Variants in NRG3 observed in about 807,000 individuals in gnomAD.
NRG3 encodes pro-neuregulin-3, membrane-bound isoform.
NRG3 carries 31 observed loss-of-function variants against 66.9 expected under a neutral mutation model. The observed-to-expected ratio is 0.46, with a 90% CI of 0.35 to 0.63. The LOEUF is 0.63. NRG3 is among the 20% of genes least tolerant of loss of function. The pLI, the probability that NRG3 is intolerant of heterozygous loss-of-function variation, is 0.00. For missense variants in NRG3, 910 were observed against 878.9 expected (o/e 1.04, Z -0.45); for synonymous variants, 393 against 359.4 (o/e 1.09, Z -1.06).
intron 1 of NRG3, among the ~76,000 whole-genome samples, chr10:82,185,795 T>C (rs2073766408): frequency 6.6e-6 from 1 of 152,214 alleles, no homozygotes; most frequent in Non-Finnish European, 1.5e-5. Flanking sequence ...GACTGCATTA[T>C]CACATCTTTA....
chr10:82,376,645 C>T (rs1199549127), intron 2 of NRG3, among the ~76,000 whole-genome samples: 2 of 152,190 alleles, frequency 1.3e-5, no homozygotes, highest in East Asian at 3.9e-4. Context: ...CCACTAACAC[C>T]GCTTGTGGCA....
chr10:82,614,855 G>A (rs2048537771), intron 2 of NRG3, among the ~76,000 whole-genome samples: 1 of 151,634 alleles, frequency 6.6e-6, no homozygotes, highest in Non-Finnish European at 1.5e-5. Context: ...AGTCCCAACA[G>A]TTTCTGCTAG....
Position 82,947,246 on chromosome 10 carries a change from T to G in NRG3, c.1055-4223T>G, listed in dbSNP as rs570999612. On this transcript the variant is annotated intron_variant, in intron 4 of 8. Coordinates refer to ENST00000372141, the MANE Select transcript of NRG3 (RefSeq NM_001010848.4). ...TGTCTGATTTATTGCACTCAGCATA[T>G]TTATTCTGATATTCTTCCATATTGT... Among the ~76,000 whole-genome samples, 3 of 152,292 alleles carry G rather than the reference T, an allele frequency of 2.0e-5. No homozygotes were observed. The South Asian group carries it at 6.2e-4, about 32-fold the overall frequency.
chr10:82,452,855 T>C (rs2091081426), intron 2 of NRG3, among the ~76,000 whole-genome samples: 1 of 152,024 alleles, frequency 6.6e-6, no homozygotes. Flanking sequence ...AAGGAGAAAA[T>C]GTGGAGGATT....
rs369332601 is a variant in NRG3 at position 81,942,836 on chromosome 10, A to C, written c.823+66673A>C. ...TGAATAGTGAATTCAGCTATGATAT[A>C]ATTATCAAAATATAAATGTACAAGT... On this transcript the variant is annotated intron_variant, in intron 1 of 8. Coordinates refer to ENST00000372141, the MANE Select transcript of NRG3 (RefSeq NM_001010848.4). 7.9e-5 allele frequency among the ~76,000 whole-genome samples: 12 copies of C among 152,316 alleles called. No individual in the cohort carries two copies. The South Asian group carries it at 2.3e-3, about 29-fold the overall frequency.
chr10:82,050,280 G>A (rs2063529264), intron 1 of NRG3, among the ~76,000 whole-genome samples: 1 of 149,486 alleles, frequency 6.7e-6, no homozygotes, highest in Non-Finnish European at 1.5e-5. Context: ...TGGTGCAAAA[G>A]TAATTGAGGT....
At chr10:82,110,160 G>A (rs2067301494) in intron 1 of NRG3, among the ~76,000 whole-genome samples, 1 of 152,272 alleles carries the variant, frequency 6.6e-6, no homozygotes, top group East Asian at 1.9e-4. Flanking sequence ...GAATAACCTC[G>A]TTTTGCCAGG....
intron 1 of NRG3, among the ~76,000 whole-genome samples, chr10:82,029,112 G>A (rs1414905002): frequency 6.6e-6 from 1 of 152,054 alleles, no homozygotes; most frequent in Non-Finnish European, 1.5e-5. Flanking sequence ...GGGAGGCTGA[G>A]GCAGGAGAAT....
intron 1 of NRG3, among the ~76,000 whole-genome samples, chr10:82,334,293 T>C (rs970246165): frequency 6.6e-6 from 1 of 152,154 alleles, no homozygotes; most frequent in Non-Finnish European, 1.5e-5. Flanking sequence ...CATTACGTTT[T>C]CCTCGAAGCA....
At position 82,632,091 on chromosome 10, in the gene NRG3, A is replaced by G. The variant is rs530402034; in HGVS notation, c.954-106486A>G. On this transcript the variant is annotated intron_variant, in intron 2 of 8. Transcript: ENST00000372141. ...CACCTCCAACCTGGGCAACAAGAGC[A>G]AAACCCTGTCTCAAAAATTAAAAAA... Among the ~76,000 whole-genome samples, 4 of 152,302 alleles carry G rather than the reference A, an allele frequency of 2.6e-5. No homozygotes were observed. The East Asian group carries it at 7.7e-4, about 29-fold the overall frequency.
At chr10:82,203,661 TA>T (rs1439219450) in intron 1 of NRG3, among the ~76,000 whole-genome samples, 12 of 152,134 alleles carry the variant, frequency 7.9e-5, no homozygotes, top group Non-Finnish European at 1.6e-4. Flanking sequence ...TACATTATAA[TA>T]AAAAATAATT....
At chr10:82,400,734 AT>A (rs933817984) in intron 2 of NRG3, among the ~76,000 whole-genome samples, 1 of 151,488 alleles carries the variant, frequency 6.6e-6, no homozygotes, top group African/African-American at 2.4e-5. Context: ...CACCTGGCTA[AT>A]TTTTTTTAAT....
At chr10:82,017,146 C>T (rs1023511659) in intron 1 of NRG3, among the ~76,000 whole-genome samples, 3 of 152,148 alleles carry the variant, frequency 2.0e-5, no homozygotes, top group African/African-American at 7.2e-5. Flanking sequence ...CAAGTGTTCT[C>T]ATTGTTCAAT....
intron 1 of NRG3, among the ~76,000 whole-genome samples, chr10:81,932,177 G>C (rs1362863430): frequency 1.4e-5 from 2 of 147,538 alleles, no homozygotes; most frequent in Admixed American, 6.8e-5. Context: ...TGAGAGAGAG[G>C]AGAGAGAGAG....
intron 2 of NRG3, among the ~76,000 whole-genome samples, chr10:82,628,954 T>A (rs2049617275): frequency 6.6e-6 from 1 of 152,214 alleles, no homozygotes; most frequent in Non-Finnish European, 1.5e-5. Flanking sequence ...CACTTGATTC[T>A]GAACTGAGAC....
At chr10:82,072,432 T>C (rs2133337461) in intron 1 of NRG3, among the ~76,000 whole-genome samples, 1 of 152,344 alleles carries the variant, frequency 6.6e-6, no homozygotes, top group East Asian at 1.9e-4. Flanking sequence ...TACTGTTGAA[T>C]AATGAGTGAT....
chr10:82,655,273 CAA>C (rs2051750525), intron 2 of NRG3, among the ~76,000 whole-genome samples: 1 of 151,682 alleles, frequency 6.6e-6, no homozygotes, highest in Non-Finnish European at 1.5e-5. Context: ...CATTAAAAAA[CAA>C]AAGAAAAAAT....
At chr10:82,184,344 T>G (rs1174050666) in intron 1 of NRG3, among the ~76,000 whole-genome samples, 2 of 152,052 alleles carry the variant, frequency 1.3e-5, no homozygotes, top group African/African-American at 4.8e-5. Flanking sequence ...CTACTTACAT[T>G]CCATTGGTAA....
At chr10:81,882,626 A>C (rs771182556) in intron 1 of NRG3, among the ~76,000 whole-genome samples, 3 of 152,144 alleles carry the variant, frequency 2.0e-5, no homozygotes, top group African/African-American at 7.2e-5. Context: ...GCTGAAAAAC[A>C]ATCACTGTTT....
Sources: gnomAD v4.1 joint callset for allele counts (sites outside exome capture counted in the v4.1 genomes callset) on GRCh38, gnomAD v4.1.1 for gene constraint, MANE v1.5 for transcripts, NCBI Gene and HGNC (gene_info 2026-07-23, HGNC 2026-07-21) for gene names.